The following VAT1L variants were observed in gnomAD, a reference collection of about 807,000 sequenced individuals.
VAT1L encodes vesicle amine transport 1 like.
In VAT1L, 34 loss-of-function variants were observed where a neutral mutation model predicts 44.1. The observed-to-expected ratio is 0.77, with a 90% CI of 0.59 to 1.03. The LOEUF (loss-of-function observed/expected upper bound fraction) is 1.03, where lower values mean the gene tolerates loss of function less well. Ranked by LOEUF, VAT1L falls within the 50% of genes least tolerant of loss-of-function variation. The pLI, the probability that VAT1L is intolerant of heterozygous loss-of-function variation, is 0.00. For synonymous variants in VAT1L, 253 were observed against 202.2 expected, an observed-to-expected ratio of 1.25 and a Z score of -2.13; for missense variants, 615 against 538.8, an observed-to-expected ratio of 1.14 and a Z score of -1.40.
At chr16:77,794,854 C>T (rs147683765) in intron 1 of VAT1L, among the ~76,000 whole-genome samples, 7 of 152,210 alleles carry the variant, frequency 4.6e-5, no homozygotes, top group South Asian at 2.1e-4. Flanking sequence ...AGTGCTAGCT[C>T]GGGTCATTTT....
intron 7 of VAT1L, among the ~76,000 whole-genome samples, chr16:77,928,286 T>C (rs2017691695): frequency 1.3e-5 from 2 of 152,208 alleles, no homozygotes; most frequent in Non-Finnish European, 2.9e-5. Flanking sequence ...GTGTGGAGAA[T>C]GCTAAATGAG....
Position 77,892,780 on chromosome 16 carries a change from G to C in VAT1L, c.1077+7978G>C, listed in dbSNP as rs1567500309. 3.9e-6 allele frequency: 3 copies of C among 778,498 alleles called. No individual in the cohort carries two copies. In the South Asian group the frequency reaches 4.0e-5, roughly 10 times the overall value. 48.2% of individuals were successfully genotyped at this position (778,498 alleles called of 1,614,324 possible). ...TTTTCATCTGTACTGCCAAGACTGA[G>C]GGGTTGGATGGCAAGCATGTGGTCT... On this transcript the variant is annotated intron_variant, in intron 7 of 8. Transcript: ENST00000302536.
chr16:77,922,632 AG>A (rs1242763596), intron 7 of VAT1L, among the ~76,000 whole-genome samples: 9 of 152,196 alleles, frequency 5.9e-5, no homozygotes, highest in African/African-American at 2.2e-4. Flanking sequence ...CCTCGAAAAT[AG>A]GGCAAAGGGA....
intron 7 of VAT1L, among the ~76,000 whole-genome samples, chr16:77,912,509 C>A (rs1455306282): frequency 6.6e-6 from 1 of 152,080 alleles, no homozygotes; most frequent in East Asian, 1.9e-4. Context: ...CCTCAACCTC[C>A]CAGGCTCAAG....
At chr16:77,857,356 C>G (rs2016869703) in intron 3 of VAT1L, among the ~76,000 whole-genome samples, 1 of 152,116 alleles carries the variant, frequency 6.6e-6, no homozygotes. Context: ...CTGCATTCAC[C>G]TCGGGAGTTG....
intron 7 of VAT1L, among the ~76,000 whole-genome samples, chr16:77,903,635 T>A (rs1157743382): frequency 3.9e-5 from 6 of 152,244 alleles, no homozygotes; most frequent in Admixed American, 2.0e-4. Flanking sequence ...GATTTGGAGA[T>A]CGCCTTGGGT....
intron 2 of VAT1L, among the ~76,000 whole-genome samples, chr16:77,820,616 C>T (rs2016436223): frequency 6.6e-6 from 1 of 152,108 alleles, no homozygotes; most frequent in South Asian, 2.1e-4. Context: ...CTGGCTAGAA[C>T]AAAGGAGAGC....
chr16:77,932,942 T>G (rs1251911126), intron 7 of VAT1L, among the ~76,000 whole-genome samples: 1 of 152,204 alleles, frequency 6.6e-6, no homozygotes. Context: ...GACATTGGTA[T>G]GATTCCAAGC....
intron 7 of VAT1L, among the ~76,000 whole-genome samples, chr16:77,892,104 C>G (rs1008913036): frequency 2.0e-5 from 3 of 152,108 alleles, no homozygotes; most frequent in Non-Finnish European, 4.4e-5. Context: ...ACACCAAGGA[C>G]AGAGAAGGTG....
intron 1 of VAT1L, among the ~76,000 whole-genome samples, chr16:77,794,842 G>A (rs1286956369): frequency 6.6e-6 from 1 of 152,180 alleles, no homozygotes; most frequent in African/African-American, 2.4e-5. Flanking sequence ...AAAGAACATG[G>A]AAGTGCTAGC....
chr16:77,815,573 G>A (rs1457273835), intron 1 of VAT1L, among the ~76,000 whole-genome samples: 1 of 152,182 alleles, frequency 6.6e-6, no homozygotes, highest in Non-Finnish European at 1.5e-5. Context: ...TTCAGTCCCT[G>A]TGTATGAGAC....
At chr16:77,960,198 G>C (rs931071352) in intron 7 of VAT1L, among the ~76,000 whole-genome samples, 1 of 152,108 alleles carries the variant, frequency 6.6e-6, no homozygotes, top group African/African-American at 2.4e-5. Context: ...AGCCTCACCA[G>C]CTTAGGGGGT....
chr16:77,832,966 G>T (rs189449591), intron 3 of VAT1L, among the ~76,000 whole-genome samples: 1 of 152,124 alleles, frequency 6.6e-6, no homozygotes, highest in East Asian at 1.9e-4. Context: ...CAGCATCACC[G>T]CAGGAGTATA....
chr16:77,904,902 A>G (rs2017423454), intron 7 of VAT1L, among the ~76,000 whole-genome samples: 1 of 152,186 alleles, frequency 6.6e-6, no homozygotes, highest in Non-Finnish European at 1.5e-5. Context: ...CTCTTCATTT[A>G]ACACCTACTA....
intron 6 of VAT1L, among the ~76,000 whole-genome samples, chr16:77,880,467 GT>G (rs2017139586): frequency 6.6e-6 from 1 of 151,070 alleles, no homozygotes; most frequent in African/African-American, 2.4e-5. Context: ...GCCAAACTTA[GT>G]TTTTTAAATA....
chr16:77,964,926 G>T (rs1430764955), intron 7 of VAT1L, among the ~76,000 whole-genome samples: 2 of 151,730 alleles, frequency 1.3e-5, no homozygotes, highest in Non-Finnish European at 2.9e-5. Flanking sequence ...GAGTAGCTGG[G>T]ATTACAGGCA....
At chr16:77,818,274 A>C (rs1239696200) in intron 2 of VAT1L, among the ~76,000 whole-genome samples, 1 of 152,226 alleles carries the variant, frequency 6.6e-6, no homozygotes, top group Non-Finnish European at 1.5e-5. Flanking sequence ...TGAAAAGATC[A>C]ATATGCTCCA....
At chr16:77,927,761 C>T (rs937923012) in intron 7 of VAT1L, among the ~76,000 whole-genome samples, 9 of 151,826 alleles carry the variant, frequency 5.9e-5, no homozygotes, top group Admixed American at 1.3e-4. Context: ...CCCAGCTACT[C>T]GGGAGGATGA....
At chr16:77,927,067 G>A (rs758690535) in intron 7 of VAT1L, among the ~76,000 whole-genome samples, 57 of 152,246 alleles carry the variant, frequency 3.7e-4, no homozygotes, top group Admixed American at 9.8e-4. Context: ...GGCCCGGCGC[G>A]GTGGCTCACG....
Sources: allele counts gnomAD v4.1 joint callset (sites outside exome capture counted in the v4.1 genomes callset), GRCh38; gene constraint gnomAD v4.1.1; transcripts MANE v1.5; gene names NCBI Gene and HGNC (gene_info 2026-07-23, HGNC 2026-07-21).